LUZP1: variants seen among roughly 807,000 people sequenced by gnomAD.
LUZP1 encodes the protein filamin mechanobinding actin cross-linking protein.
A neutral mutation model predicts 71.3 loss-of-function variants in LUZP1; 25 were observed. The ratio of observed to expected loss-of-function variants is 0.35; its 90% CI spans 0.26 to 0.49. The LOEUF (loss-of-function observed/expected upper bound fraction) is 0.49, where lower values mean the gene tolerates loss of function less well. LUZP1 is among the 20% of genes least tolerant of loss of function. The pLI is 0.99. For missense variants in LUZP1, 1,142 were observed against 1,300.8 expected (o/e 0.88, Z 1.88); for synonymous variants, 481 against 506.4 (o/e 0.95, Z 0.67).
intron 2 of LUZP1, among the ~76,000 whole-genome samples, chr1:23,136,233 G>A (rs1017826864): frequency 6.0e-5 from 9 of 151,030 alleles, no homozygotes; most frequent in African/African-American, 2.0e-4. Flanking sequence ...AGGGCCAGGC[G>A]CAGTGGCTCA....
chr1:23,129,414 T>C (rs1486028358), intron 2 of LUZP1, among the ~76,000 whole-genome samples: 1 of 152,104 alleles, frequency 6.6e-6, no homozygotes, highest in Non-Finnish European at 1.5e-5. Flanking sequence ...AAACACTGTC[T>C]CTACTAAAAA....
At chr1:23,122,641 A>T (rs1644139622) in intron 2 of LUZP1, among the ~76,000 whole-genome samples, 1 of 152,272 alleles carries the variant, frequency 6.6e-6, no homozygotes. Flanking sequence ...CAACTACAAG[A>T]TTCCAGGACA....
At chr1:23,134,450 C>G (rs1347382162) in intron 2 of LUZP1, among the ~76,000 whole-genome samples, 1 of 152,056 alleles carries the variant, frequency 6.6e-6, no homozygotes, top group African/African-American at 2.4e-5. Context: ...CCACTGCACT[C>G]CAGCTTTGGT....
intron 2 of LUZP1, among the ~76,000 whole-genome samples, chr1:23,110,022 GA>G (rs1644015223): frequency 6.6e-6 from 1 of 152,188 alleles, no homozygotes; most frequent in South Asian, 2.1e-4. Context: ...AAGACAATAA[GA>G]AGATAATGTT....
intron 2 of LUZP1, among the ~76,000 whole-genome samples, chr1:23,120,100 A>C (rs1010237762): frequency 1.3e-5 from 2 of 151,988 alleles, no homozygotes; most frequent in African/African-American, 4.8e-5. Flanking sequence ...GTGTCACCAC[A>C]ACAAGCTAAG....
chr1:23,133,379 T>C (rs1411088802), intron 2 of LUZP1: 3 of 152,052 alleles, frequency 2.0e-5, no homozygotes, highest in Admixed American at 6.6e-5. Flanking sequence ...GGTTGGAAAA[T>C]AGGATATTTA....
exon 4 of LUZP1, chr1:23,092,019 T>G (rs2124590879): frequency 1.2e-6 from 2 of 1,614,158 alleles, no homozygotes; most frequent in Non-Finnish European, 1.7e-6. Context: ...CCGCAACGCC[T>G]CTCTGGGGCT....
intron 2 of LUZP1, among the ~76,000 whole-genome samples, chr1:23,127,113 T>C (rs1230631779): frequency 1.3e-5 from 2 of 152,230 alleles, no homozygotes; most frequent in Admixed American, 6.5e-5. Context: ...CCATACATTT[T>C]TGTCTATTCA....
rs1161742871 is a variant in LUZP1 at position 23,093,437 on chromosome 1, T to C, written c.825A>G (p.Ser275=). ...CCTGATTGCGGTTCTTTTCATTTTC[T>C]GATTTGTTTCTTGTTTCATTCTCTA... Residue 275 remains serine (S), a synonymous_variant, in exon 4 of 5, where the codon TCA becomes TCG. Coordinates refer to ENST00000302291, the Ensembl canonical transcript of LUZP1. This position sits in a 1 kb window ranked among gnomAD's most constrained non-coding sequence, Gnocchi z 4.2. The C allele has an allele frequency of 2.5e-6, 4 of 1,613,498 alleles. No homozygotes were observed. The highest frequency in any genetic ancestry group is 2.2e-5 in the South Asian group (2 of 90,778).
intron 2 of LUZP1, among the ~76,000 whole-genome samples, chr1:23,144,866 T>C (rs1032486255): frequency 3.9e-5 from 6 of 152,128 alleles, no homozygotes; most frequent in African/African-American, 1.4e-4. Flanking sequence ...TGTATTTCTT[T>C]TCATTTTGGT....
At chr1:23,158,428 A>G (rs1644437019) in intron 2 of LUZP1, among the ~76,000 whole-genome samples, 1 of 152,146 alleles carries the variant, frequency 6.6e-6, no homozygotes, top group African/African-American at 2.4e-5. Flanking sequence ...AGGCAGGCAG[A>G]TCACGCGGTC....
chr1:23,129,824 C>T (rs12095175), intron 2 of LUZP1, among the ~76,000 whole-genome samples: 11 of 152,136 alleles, frequency 7.2e-5, no homozygotes, highest in African/African-American at 2.7e-4. Flanking sequence ...TATTTATATA[C>T]GTACCATGTG....
intron 2 of LUZP1, among the ~76,000 whole-genome samples, chr1:23,125,400 G>A (rs545931613): frequency 1.1e-4 from 16 of 152,158 alleles, no homozygotes; most frequent in African/African-American, 2.7e-4. Context: ...GTCTTACTAT[G>A]AAGTAAATCA....
intron 2 of LUZP1, among the ~76,000 whole-genome samples, chr1:23,153,518 C>T (rs1055177503): frequency 1.3e-5 from 2 of 152,180 alleles, no homozygotes; most frequent in African/African-American, 2.4e-5. Context: ...TTTCAACATA[C>T]ACTATTAGCA....
At chr1:23,176,590 C>A (rs1012792036) in intron 1 of LUZP1, among the ~76,000 whole-genome samples, 2 of 152,254 alleles carry the variant, frequency 1.3e-5, no homozygotes, top group Admixed American at 1.3e-4. Flanking sequence ...GTTTAGAATT[C>A]ATTCCATGGA....
At chr1:23,091,082 A>C (rs1476407037) in intron 4 of LUZP1, 108 bp downstream of exon 3, 1 of 1,152,276 alleles carries the variant, frequency 8.7e-7, no homozygotes, top group Non-Finnish European at 1.2e-6. Context: ...AGTTCTACTC[A>C]GTTCTCAAGA....
exon 4 of LUZP1, chr1:23,092,234 T>A (rs767872610): frequency 2.1e-5 from 34 of 1,614,046 alleles, no homozygotes; most frequent in Non-Finnish European, 2.9e-5. Flanking sequence ...GAGTGATGGT[T>A]GTATTTACCA....
chr1:23,090,948 A>C (rs1380507843), intron 4 of LUZP1: 1 of 718,658 alleles, frequency 1.4e-6, no homozygotes, highest in Non-Finnish European at 2.6e-6. Context: ...TGTCACCTTC[A>C]TATACGAGAG....
chr1:23,124,883 A>G (rs551376862), intron 2 of LUZP1, among the ~76,000 whole-genome samples: 5 of 152,286 alleles, frequency 3.3e-5, no homozygotes, highest in East Asian at 3.9e-4. Context: ...ACTTTCGTTC[A>G]TTCTAATGCC....
Sources: gnomAD v4.1 joint callset for allele counts (sites outside exome capture counted in the v4.1 genomes callset) on GRCh38, gnomAD v4.1.1 for gene constraint, Gnocchi (gnomAD v3.1) non-coding constraint, MANE v1.5 for transcripts, NCBI Gene and HGNC (gene_info 2026-07-23, HGNC 2026-07-21) for gene names.